Variants in NKAIN2 observed in about 807,000 individuals in gnomAD.
The protein encoded by NKAIN2 is sodium/potassium-transporting ATPase subunit beta-1-interacting protein 2.
A neutral mutation model predicts 32.6 loss-of-function variants in NKAIN2; 14 were observed. The observed-to-expected ratio is 0.43, with a 90% CI of 0.28 to 0.67. The LOEUF (loss-of-function observed/expected upper bound fraction) is 0.67, where lower values mean the gene tolerates loss of function less well. Among genes scored for constraint, NKAIN2 ranks in the 30% least tolerant of loss-of-function variants. The pLI is 0.17. For synonymous variants in NKAIN2, 80 were observed against 87.2 expected, an observed-to-expected ratio of 0.92 and a Z score of 0.46; for missense variants, 198 against 258.3, an observed-to-expected ratio of 0.77 and a Z score of 1.60.
At chr6:124,175,765 G>A (rs1045844865) in intron 1 of NKAIN2, among the ~76,000 whole-genome samples, 1 of 151,904 alleles carries the variant, frequency 6.6e-6, no homozygotes, top group Admixed American at 6.6e-5. Flanking sequence ...GCCTCACTGG[G>A]TTTTCAACAT....
chr6:124,673,112 A>T (rs943080159), intron 4 of NKAIN2, among the ~76,000 whole-genome samples: 1 of 152,060 alleles, frequency 6.6e-6, no homozygotes, highest in African/African-American at 2.4e-5. Context: ...ACTACTTTAG[A>T]TAACTCTTGT....
At chr6:124,122,860 A>C (rs867782781) in intron 1 of NKAIN2, among the ~76,000 whole-genome samples, 33 of 152,062 alleles carry the variant, frequency 2.2e-4, no homozygotes, top group African/African-American at 6.8e-4. Flanking sequence ...TCATGTTAAA[A>C]AACAACAACA....
At chr6:124,783,201 C>T (rs1779351251) in intron 4 of NKAIN2, among the ~76,000 whole-genome samples, 1 of 152,092 alleles carries the variant, frequency 6.6e-6, no homozygotes, top group Non-Finnish European at 1.5e-5. Context: ...CTGCTCTGCC[C>T]AGTTTACTAA....
intron 1 of NKAIN2, among the ~76,000 whole-genome samples, chr6:123,879,331 A>G (rs1411192895): frequency 4.6e-5 from 7 of 152,196 alleles, no homozygotes; most frequent in Non-Finnish European, 7.4e-5. Flanking sequence ...GTAAATCTAA[A>G]GGATATAGTT....
In NKAIN2 at chr6:124,312,850, C is replaced by G. The variant is rs977510369; in HGVS notation, c.192+29708C>G. Among the ~76,000 whole-genome samples, 4 of 152,218 alleles carry G rather than the reference C, an allele frequency of 2.6e-5. No homozygotes were observed. In the South Asian group the frequency reaches 8.3e-4, roughly 32 times the overall value. On this transcript the variant is annotated intron_variant, in intron 2 of 6. Coordinates refer to ENST00000368417, the MANE Select transcript of NKAIN2 (RefSeq NM_001040214.3). ...GCATTCCTTCCTCCCAGTTATGGGG[C>G]CAGACCTATATTCAGAAAAGTTAAG...
At chr6:123,933,527 A>G (rs1478624709) in intron 1 of NKAIN2, among the ~76,000 whole-genome samples, 2 of 152,234 alleles carry the variant, frequency 1.3e-5, no homozygotes, top group African/African-American at 4.8e-5. Context: ...ATGAATAAAG[A>G]AGACTGAAAA....
intron 3 of NKAIN2, among the ~76,000 whole-genome samples, chr6:124,407,766 G>A (rs1277267295): frequency 6.6e-6 from 1 of 151,506 alleles, no homozygotes. Flanking sequence ...CTGAGGAATG[G>A]CCACACTGAC....
intron 1 of NKAIN2, among the ~76,000 whole-genome samples, chr6:123,834,401 T>G (rs1002131289): frequency 6.6e-6 from 1 of 151,660 alleles, no homozygotes; most frequent in Non-Finnish European, 1.5e-5. Context: ...GTGAGCCACC[T>G]GCCTCAGCCT....
At chr6:124,408,462 C>T (rs1489919951) in intron 3 of NKAIN2, among the ~76,000 whole-genome samples, 1 of 152,108 alleles carries the variant, frequency 6.6e-6, no homozygotes, top group Non-Finnish European at 1.5e-5. Flanking sequence ...GAATCCTTTC[C>T]CCATTGTTTG....
At chr6:124,127,137 TCA>T in intron 1 of NKAIN2, among the ~76,000 whole-genome samples, 1 of 152,294 alleles carries the variant, frequency 6.6e-6, no homozygotes, top group African/African-American at 2.4e-5. Context: ...CATTTGGGCA[TCA>T]GTGATGTAAG....
At chr6:123,815,705 A>G (rs993004286) in intron 1 of NKAIN2, among the ~76,000 whole-genome samples, 5 of 152,050 alleles carry the variant, frequency 3.3e-5, no homozygotes, top group Non-Finnish European at 1.5e-5. Flanking sequence ...CTTATCAACA[A>G]TTTTGATTCA....
At chr6:124,481,931 C>T (rs1777468429) in intron 3 of NKAIN2, among the ~76,000 whole-genome samples, 1 of 151,962 alleles carries the variant, frequency 6.6e-6, no homozygotes, top group Non-Finnish European at 1.5e-5. Context: ...AGCCTTAGTG[C>T]ATAAACAAAT....
intron 4 of NKAIN2, among the ~76,000 whole-genome samples, chr6:124,788,103 GT>G (rs1266913496): frequency 1.3e-5 from 2 of 152,008 alleles, no homozygotes; most frequent in Admixed American, 6.6e-5. Context: ...TCAAATTACA[GT>G]TATATGTATA....
At chr6:124,234,672 C>G (rs1792647602) in intron 1 of NKAIN2, among the ~76,000 whole-genome samples, 3 of 151,970 alleles carry the variant, frequency 2.0e-5, no homozygotes, top group Admixed American at 1.3e-4. Context: ...ACATATTTTT[C>G]TTCATCCTCC....
intron 4 of NKAIN2, among the ~76,000 whole-genome samples, chr6:124,725,855 G>C (rs867212604): frequency 1.3e-5 from 2 of 152,238 alleles, no homozygotes; most frequent in East Asian, 1.9e-4. Flanking sequence ...TGCATGCACC[G>C]TGTGCAAGCC....
At position 124,818,489 on chromosome 6, in the gene NKAIN2, G is replaced by T. The variant is rs773062122; in HGVS notation, c.617+21G>T. The T allele has an allele frequency of 6.2e-5, 75 of 1,217,182 alleles. 1 individual carries two copies. Among genetic ancestry groups the T allele is most frequent in the Non-Finnish European group, 8.8e-5 (73 of 827,294 alleles). The allele number at this position is 1,217,182 out of a possible 1,614,324, so 75.4% of individuals were successfully genotyped here. A position where few individuals can be genotyped will look rare whatever the true frequency, so the allele number is the denominator to read the frequency against. On this transcript the variant is annotated intron_variant, in intron 6 of 6. Transcript: ENST00000368417. ...TACATGTAAGTATTTTACTTGGAAGGTACTCTTCTGGGGTACTAAAGATAA... is the reference window on the plus strand; with the variant it reads ...TACATGTAAGTATTTTACTTGGAAGTTACTCTTCTGGGGTACTAAAGATAA...
At chr6:123,809,165 CAAATGTCAG>C (rs1220035764) in intron 1 of NKAIN2, among the ~76,000 whole-genome samples, 1 of 151,992 alleles carries the variant, frequency 6.6e-6, no homozygotes, top group Non-Finnish European at 1.5e-5. Flanking sequence ...CAATAACATA[CAAATGTCAG>C]AAATGAAACA....
chr6:124,811,256 A>G (rs1363440896), intron 5 of NKAIN2, among the ~76,000 whole-genome samples: 1 of 152,188 alleles, frequency 6.6e-6, no homozygotes, highest in East Asian at 1.9e-4. Context: ...TTAGCTTCCT[A>G]TGAACTGCCT....
At chr6:124,226,897 T>C (rs1300160187) in intron 1 of NKAIN2, among the ~76,000 whole-genome samples, 2 of 152,126 alleles carry the variant, frequency 1.3e-5, no homozygotes, top group African/African-American at 4.8e-5. Context: ...AGGAATCTTT[T>C]TGTGAAAAGC....
Sources: gnomAD v4.1 joint callset for allele counts (sites outside exome capture counted in the v4.1 genomes callset) on GRCh38, gnomAD v4.1.1 for gene constraint, MANE v1.5 for transcripts, NCBI Gene and HGNC (gene_info 2026-07-23, HGNC 2026-07-21) for gene names.